The following TOMM70 variants were observed in gnomAD, a reference collection of about 807,000 sequenced individuals.
TOMM70 encodes the protein translocase of outer mitochondrial membrane 70, also known as mitochondrial import receptor subunit TOM70.
A neutral mutation model predicts 73.6 loss-of-function variants in TOMM70; 13 were observed. The ratio of observed to expected loss-of-function variants is 0.18; its 90% CI spans 0.11 to 0.28. TOMM70 has a LOEUF of 0.28. TOMM70 is among the 10% of genes least tolerant of loss of function. TOMM70 has a pLI of 1.00. For missense variants in TOMM70, 609 were observed against 747.5 expected (o/e 0.81, Z 2.16); for synonymous variants, 257 against 271.2 (o/e 0.95, Z 0.51).
At chr3:100,380,952 G>A (rs1020842127) in intron 5 of TOMM70, among the ~76,000 whole-genome samples, 4 of 151,958 alleles carry the variant, frequency 2.6e-5, no homozygotes, top group African/African-American at 9.7e-5. Context: ...TTCCTAACTC[G>A]TTAAAAAAAT....
intron 1 of TOMM70, among the ~76,000 whole-genome samples, chr3:100,394,883 A>C (rs912668359): frequency 6.6e-6 from 1 of 152,208 alleles, no homozygotes; most frequent in African/African-American, 2.4e-5. Context: ...ATAAGGAATA[A>C]AACCTAAGAT....
chr3:100,394,597 G>A (rs925560597), intron 1 of TOMM70, among the ~76,000 whole-genome samples: 2 of 152,012 alleles, frequency 1.3e-5, no homozygotes, highest in South Asian at 2.1e-4. Flanking sequence ...TCCACCTCCC[G>A]GGTTCAAGTG....
intron 3 of TOMM70, among the ~76,000 whole-genome samples, chr3:100,385,388 C>T (rs1482625063): frequency 4.6e-5 from 7 of 152,244 alleles, no homozygotes; most frequent in Non-Finnish European, 1.5e-5. Flanking sequence ...TGTGCCACCA[C>T]AAAACCTCAA....
intron 2 of TOMM70, 92 bp from the exon 3 acceptor site, chr3:100,386,436 C>T (rs1379985526): frequency 3.1e-6 from 4 of 1,301,052 alleles, no homozygotes; most frequent in Admixed American, 3.1e-5. Flanking sequence ...TATTAAAAGT[C>T]CTAGAATAAA....
Position 100,375,165 on chromosome 3 carries a change from A to G in TOMM70, c.1093-13T>C. The G allele has an allele frequency of 6.4e-7, 1 of 1,555,352 alleles. No homozygotes were observed. Among genetic ancestry groups the G allele is most frequent in the South Asian group, 1.2e-5 (1 of 82,532 alleles). ...CATTTGCTCGAAGCTATATACCCCA[A>G]GTGAGGAAAGGTTCATCATTACTTT... On this transcript the variant is annotated splice_polypyrimidine_tract_variant and intron_variant, in intron 6 of 11. Transcript: ENST00000284320.
intron 4 of TOMM70, 73 bp downstream of exon 4, chr3:100,384,406 A>T (rs1706667918): frequency 1.5e-5 from 16 of 1,040,934 alleles, no homozygotes; most frequent in Non-Finnish European, 2.2e-5. Context: ...CCTAAGCTTA[A>T]GCAGCATAAA....
chr3:100,378,576 C>T (rs1706592368), intron 5 of TOMM70, among the ~76,000 whole-genome samples: 1 of 152,206 alleles, frequency 6.6e-6, no homozygotes, highest in Admixed American at 6.5e-5. Flanking sequence ...CTGTCTTATT[C>T]ACCTTCATAT....
intron 4 of TOMM70, among the ~76,000 whole-genome samples, chr3:100,384,052 A>G (rs1345237697): frequency 6.6e-6 from 1 of 152,266 alleles, no homozygotes; most frequent in Non-Finnish European, 1.5e-5. Flanking sequence ...AAAAACTTTA[A>G]TAATATAGAA....
chr3:100,380,281 G>T (rs1387646366), intron 5 of TOMM70, among the ~76,000 whole-genome samples: 2 of 152,024 alleles, frequency 1.3e-5, no homozygotes, highest in Non-Finnish European at 2.9e-5. Flanking sequence ...GTAGGCAGAG[G>T]TTGCAGTGAG....
At chr3:100,390,281 C>A (rs182724183) in intron 1 of TOMM70, among the ~76,000 whole-genome samples, 1 of 152,100 alleles carries the variant, frequency 6.6e-6, no homozygotes, top group Non-Finnish European at 1.5e-5. Context: ...AACAAACAAC[C>A]GTCAATCTCG....
intron 11 of TOMM70, among the ~76,000 whole-genome samples, chr3:100,366,880 A>T (rs1401555700): frequency 6.6e-6 from 1 of 152,242 alleles, no homozygotes; most frequent in Non-Finnish European, 1.5e-5. Flanking sequence ...ACCCTATCCT[A>T]TTCTAGTACA....
At chr3:100,369,245 T>C (rs1028920463) in intron 9 of TOMM70, 110 bp from the exon 10 acceptor site, 2 of 787,618 alleles carry the variant, frequency 2.5e-6, no homozygotes, top group Non-Finnish European at 4.1e-6. Flanking sequence ...TACAAAATTA[T>C]CACGTTTTGG....
At chr3:100,382,850 T>C (rs1706646725) in intron 4 of TOMM70, among the ~76,000 whole-genome samples, 1 of 152,200 alleles carries the variant, frequency 6.6e-6, no homozygotes, top group African/African-American at 2.4e-5. Context: ...ACTTATTAGC[T>C]ATGTGATATT....
rs1245973231 is a variant in TOMM70 at position 100,401,064 on chromosome 3, G to C, written c.-115C>G. On this transcript the variant is annotated 5_prime_UTR_variant, in exon 1 of 12. Coordinates refer to ENST00000284320, the MANE Select transcript of TOMM70 (RefSeq NM_014820.5). ...AAGCAATGAGCGAGCGAGCACGCTA[G>C]GCAGAGAGAGCGGACGACAGAAAAG... 6.1e-6 allele frequency: 7 copies of C among 1,154,056 alleles called. No individual in the cohort carries two copies. The highest frequency in any genetic ancestry group is 8.6e-6 in the Non-Finnish European group (7 of 815,672). The allele number at this position is 1,154,056 out of a possible 1,614,324, so 71.5% of individuals were successfully genotyped here.
chr3:100,371,429 G>A (rs1395228494), intron 9 of TOMM70, among the ~76,000 whole-genome samples: 1 of 151,720 alleles, frequency 6.6e-6, no homozygotes, highest in Admixed American at 6.6e-5. Flanking sequence ...ACCACACCCA[G>A]CTAATTTTTG....
intron 1 of TOMM70, among the ~76,000 whole-genome samples, chr3:100,399,966 G>C (rs371528440): frequency 6.6e-6 from 1 of 152,202 alleles, no homozygotes; most frequent in Non-Finnish European, 1.5e-5. Context: ...TGCAGCCAAG[G>C]GGGCTTCGGG....
intron 1 of TOMM70, 79 bp from the exon 2 acceptor site, chr3:100,387,057 T>A: frequency 6.9e-7 from 1 of 1,445,176 alleles, no homozygotes; most frequent in Non-Finnish European, 9.4e-7. Context: ...AATAAATTGA[T>A]AAAAACAGGA....
rs1180329001 is a variant in TOMM70, at chr3:100,364,040, C to T, written c.*1524G>A. 1.3e-5 allele frequency: 2 copies of T among 152,132 alleles called. No individual in the cohort carries two copies. The highest frequency in any genetic ancestry group is 2.1e-4 in the South Asian group (1 of 4,824). The allele number at this position is 152,132 out of a possible 1,614,324, so 9.4% of individuals were successfully genotyped here. Reference sequence around the variant, plus strand: ...AACAGTGTAAACCATAATTATAATTCGTTCTTAAATAAACCTCTCCCCATC... The same window carrying T: ...AACAGTGTAAACCATAATTATAATTTGTTCTTAAATAAACCTCTCCCCATC... On this transcript the variant is annotated 3_prime_UTR_variant, in exon 12 of 12. Transcript: ENST00000284320.
chr3:100,384,371 T>G, intron 4 of TOMM70, 108 bp downstream of exon 4: 1 of 660,858 alleles, frequency 1.5e-6, no homozygotes, highest in Non-Finnish European at 2.5e-6. Context: ...CAGTTCTAAT[T>G]GCAGTTGTTG....
Sources: allele counts gnomAD v4.1 joint callset (sites outside exome capture counted in the v4.1 genomes callset), GRCh38; gene constraint gnomAD v4.1.1; transcripts MANE v1.5; gene names NCBI Gene and HGNC (gene_info 2026-07-23, HGNC 2026-07-21).